Variants in TDRD5 observed in about 807,000 individuals in gnomAD.
TDRD5 encodes tudor domain containing 5, also known as tudor domain-containing protein 5.
A neutral mutation model predicts 120.6 loss-of-function variants in TDRD5; 41 were observed. That is an observed-to-expected ratio of 0.34 (90% CI 0.26 to 0.44). TDRD5 has a LOEUF of 0.44. Ranked by LOEUF, TDRD5 falls within the 20% of genes least tolerant of loss-of-function variation. The pLI is 1.00. For synonymous variants in TDRD5, 430 were observed against 433.7 expected (o/e 0.99, Z 0.11); for missense variants, 1,006 against 1,221.2 (o/e 0.82, Z 2.63).
chr1:179,667,497 T>C (rs1679617895), intron 16 of TDRD5, among the ~76,000 whole-genome samples: 1 of 152,178 alleles, frequency 6.6e-6, no homozygotes, highest in South Asian at 2.1e-4. Flanking sequence ...ACAAGTTACC[T>C]TTTGTGCCCT....
At chr1:179,629,623 C>T (rs754111661) in intron 6 of TDRD5, among the ~76,000 whole-genome samples, 1 of 151,924 alleles carries the variant, frequency 6.6e-6, no homozygotes, top group Non-Finnish European at 1.5e-5. Context: ...AGAATAATAC[C>T]TACAATAGAT....
At chr1:179,614,257 A>G (rs571622413) in intron 4 of TDRD5, among the ~76,000 whole-genome samples, 10 of 152,290 alleles carry the variant, frequency 6.6e-5, no homozygotes, top group African/African-American at 2.4e-4. Flanking sequence ...ATGCATTGCG[A>G]ATGTGCCACA....
chr1:179,632,567 C>T (rs894169656), intron 7 of TDRD5, among the ~76,000 whole-genome samples: 3 of 152,004 alleles, frequency 2.0e-5, no homozygotes, highest in Non-Finnish European at 4.4e-5. Flanking sequence ...ATATAGCCTC[C>T]AAGACTTTTT....
At chr1:179,655,783 A>G (rs1678976045) in intron 14 of TDRD5, among the ~76,000 whole-genome samples, 1 of 152,206 alleles carries the variant, frequency 6.6e-6, no homozygotes, top group African/African-American at 2.4e-5. Context: ...TCTTGCATGT[A>G]TCAATAATAT....
intron 8 of TDRD5, 106 bp from the exon 9 acceptor site, chr1:179,635,561 C>T: frequency 1.9e-6 from 2 of 1,054,514 alleles, no homozygotes; most frequent in Non-Finnish European, 2.7e-6. Flanking sequence ...TTATAATTTC[C>T]CAAGTGATTC....
intron 11 of TDRD5, among the ~76,000 whole-genome samples, chr1:179,642,678 A>AT (rs1458809909): frequency 2.0e-5 from 3 of 152,162 alleles, no homozygotes; most frequent in African/African-American, 7.2e-5. Flanking sequence ...AATCAGGGAA[A>AT]TTATCTTGTT....
intron 11 of TDRD5, among the ~76,000 whole-genome samples, chr1:179,641,923 G>A (rs1678070900): frequency 6.6e-6 from 1 of 151,972 alleles, no homozygotes; most frequent in Middle Eastern, 3.2e-3. Flanking sequence ...TGTATTCAAG[G>A]TTGTTTTCTT....
rs1681126519 is a variant in TDRD5, at chr1:179,691,072, A to T, written c.*129A>T. ...TTGATACTTTTGTCTTTCTGTGACTATATGTTAGCTTTATTATGCTAACAG... is the reference window on the plus strand; with the variant it reads ...TTGATACTTTTGTCTTTCTGTGACTTTATGTTAGCTTTATTATGCTAACAG... On this transcript the variant is annotated 3_prime_UTR_variant, in exon 18 of 18. Coordinates refer to ENST00000444136, the MANE Select transcript of TDRD5 (RefSeq NM_001199085.3). The T allele has an allele frequency of 8.0e-7, 1 of 1,254,934 alleles. No homozygotes were observed. The allele number at this position is 1,254,934 out of a possible 1,614,324, so 77.7% of individuals were successfully genotyped here.
rs1343565714 is a variant in TDRD5 at position 179,627,742 on chromosome 1, A to G, written c.973-3025A>G. On this transcript the variant is annotated intron_variant, in intron 6 of 17. Coordinates refer to ENST00000444136, the MANE Select transcript of TDRD5 (RefSeq NM_001199085.3). Reference sequence around the variant, plus strand: ...ATATTTAATTCTGTGAGTTTATACGATACTAAAAAAACTGATGACTCAACA... The same window carrying G: ...ATATTTAATTCTGTGAGTTTATACGGTACTAAAAAAACTGATGACTCAACA... Among the ~76,000 whole-genome samples the G allele has an allele frequency of 2.6e-5, 4 of 152,192 alleles. No individual in the cohort carries two copies. In the East Asian group the frequency reaches 5.8e-4, roughly 22 times the overall value.
intron 17 of TDRD5, among the ~76,000 whole-genome samples, chr1:179,680,260 G>A (rs566708199): frequency 9.2e-5 from 14 of 152,214 alleles, no homozygotes; most frequent in South Asian, 2.1e-4. Context: ...ACTTTAGAAC[G>A]ATGTATATAG....
intron 4 of TDRD5, 47 bp from the exon 5 acceptor site, chr1:179,618,552 T>C: frequency 6.9e-7 from 1 of 1,451,588 alleles, no homozygotes; most frequent in Non-Finnish European, 9.3e-7. Flanking sequence ...TTTGACTTTC[T>C]TTGGTCAGGG....
intron 17 of TDRD5, among the ~76,000 whole-genome samples, chr1:179,678,661 AAT>A (rs1254438850): frequency 6.6e-6 from 1 of 152,186 alleles, no homozygotes; most frequent in African/African-American, 2.4e-5. Context: ...ATCCCTAAGT[AAT>A]ATTTTTATAC....
intron 6 of TDRD5, among the ~76,000 whole-genome samples, chr1:179,622,706 T>G (rs1676905008): frequency 6.6e-6 from 1 of 152,080 alleles, no homozygotes; most frequent in African/African-American, 2.4e-5. Context: ...TCAATAGAAA[T>G]TATCCAATTT....
At chr1:179,636,768 A>G (rs1385526941) in intron 9 of TDRD5, among the ~76,000 whole-genome samples, 1 of 152,266 alleles carries the variant, frequency 6.6e-6, no homozygotes, top group Non-Finnish European at 1.5e-5. Flanking sequence ...TGGTGAATGC[A>G]ACATTTCCAA....
At chr1:179,603,589 A>G (rs1675827695) in intron 4 of TDRD5, among the ~76,000 whole-genome samples, 1 of 152,178 alleles carries the variant, frequency 6.6e-6, no homozygotes, top group Non-Finnish European at 1.5e-5. Context: ...TCATAAAGCA[A>G]TGCTGGATTT....
intron 4 of TDRD5, among the ~76,000 whole-genome samples, chr1:179,601,934 T>C (rs1675736446): frequency 6.6e-6 from 1 of 152,150 alleles, no homozygotes; most frequent in Admixed American, 6.5e-5. Context: ...GCCTCCCGAG[T>C]AGCTGGGACT....
intron 7 of TDRD5, among the ~76,000 whole-genome samples, chr1:179,631,637 G>A (rs1677452917): frequency 6.6e-6 from 1 of 152,214 alleles, no homozygotes; most frequent in East Asian, 1.9e-4. Flanking sequence ...CATAAAGGTA[G>A]TACAGAGTTC....
chr1:179,614,591 G>A (rs1454930421), intron 4 of TDRD5, among the ~76,000 whole-genome samples: 1 of 152,034 alleles, frequency 6.6e-6, no homozygotes, highest in African/African-American at 2.4e-5. Context: ...AATTGTTTCA[G>A]TTGACACTCA....
intron 4 of TDRD5, among the ~76,000 whole-genome samples, chr1:179,605,576 T>C (rs1675929917): frequency 6.6e-6 from 1 of 152,176 alleles, no homozygotes; most frequent in South Asian, 2.1e-4. Flanking sequence ...AGTGTCATAC[T>C]GAATAGTTGC....
Sources: allele counts gnomAD v4.1 joint callset (sites outside exome capture counted in the v4.1 genomes callset), GRCh38; gene constraint gnomAD v4.1.1; transcripts MANE v1.5; gene names NCBI Gene and HGNC (gene_info 2026-07-23, HGNC 2026-07-21).